Variants in GARRE1 observed in about 807,000 individuals in gnomAD.
GARRE1 encodes granule associated Rac and RHOG effector 1.
Under a neutral mutation model 103.2 loss-of-function variants are expected in GARRE1, and 49 were observed. The ratio of observed to expected loss-of-function variants is 0.47; its 90% CI spans 0.38 to 0.60. The LOEUF (loss-of-function observed/expected upper bound fraction) is 0.60, where lower values mean the gene tolerates loss of function less well. Ranked by LOEUF, GARRE1 falls within the 20% of genes least tolerant of loss-of-function variation. GARRE1 has a pLI of 0.00. For missense variants in GARRE1, 1,199 were observed against 1,370.5 expected (o/e 0.87, Z 1.98); for synonymous variants, 505 against 532.8 (o/e 0.95, Z 0.72).
intron 1 of GARRE1, among the ~76,000 whole-genome samples, chr19:34,294,692 A>C (rs1329444069): frequency 6.6e-6 from 1 of 151,938 alleles, no homozygotes; most frequent in African/African-American, 2.4e-5. Flanking sequence ...TTTTTTGTTG[A>C]AAACTGGACA....
intron 2 of GARRE1, among the ~76,000 whole-genome samples, chr19:34,315,866 A>T (rs1252438100): frequency 4.6e-5 from 7 of 152,184 alleles, no homozygotes. Context: ...TTAGCAGCAG[A>T]TGTTGTGTGT....
chr19:34,263,090 G>C (rs568297601), intron 1 of GARRE1, among the ~76,000 whole-genome samples: 4 of 152,218 alleles, frequency 2.6e-5, no homozygotes, highest in Admixed American at 1.3e-4. Flanking sequence ...GCGGGTGCCT[G>C]TAATCCCAGC....
In GARRE1 at chr19:34,339,927, G is replaced by C. The variant is rs746444067; in HGVS notation, c.1422G>C (p.Lys474Asn). ...TGCAGAGAAGCCTTGATCCTGAGAA[G>C]ACCCTGGGTCTAGTGGACGTGCTCT... The part of the protein sequence containing the change: ...SLLQRSLDPE[K>N]TLGLVDVLYT... The change falls in exon 9 of 14, where the codon AAG becomes AAC. Residue 474 changes from lysine to asparagine, a missense_variant. Transcript: ENST00000299505. 1 of 1,613,964 alleles carries C rather than the reference G, an allele frequency of 6.2e-7. No individual in the cohort carries two copies. The highest frequency in any genetic ancestry group is 8.5e-7 in the Non-Finnish European group (1 of 1,179,978).
At chr19:34,326,542 T>C (rs904937737) in intron 3 of GARRE1, among the ~76,000 whole-genome samples, 5 of 152,224 alleles carry the variant, frequency 3.3e-5, no homozygotes, top group Non-Finnish European at 1.5e-5. Context: ...TAAACATATG[T>C]AGTGACTGAA....
chr19:34,326,238 T>C (rs2074111210), intron 3 of GARRE1, among the ~76,000 whole-genome samples: 1 of 152,250 alleles, frequency 6.6e-6, no homozygotes, highest in Non-Finnish European at 1.5e-5. Flanking sequence ...TTTGGAACTT[T>C]ACGGCATTAT....
At chr19:34,293,004 C>T (rs765294220) in intron 1 of GARRE1, among the ~76,000 whole-genome samples, 3 of 152,160 alleles carry the variant, frequency 2.0e-5, no homozygotes, top group African/African-American at 4.8e-5. Context: ...CTACTGAATT[C>T]GGCCCATTTT....
intron 8 of GARRE1, among the ~76,000 whole-genome samples, chr19:34,338,655 C>T (rs1366478933): frequency 1.3e-5 from 2 of 152,156 alleles, no homozygotes; most frequent in African/African-American, 4.8e-5. Context: ...GCAAAGGCAG[C>T]AGCAAGAGCA....
chr19:34,269,545 A>G (rs1293692248), intron 1 of GARRE1, among the ~76,000 whole-genome samples: 1 of 151,890 alleles, frequency 6.6e-6, no homozygotes, highest in East Asian at 1.9e-4. Flanking sequence ...TTGTTTTTAA[A>G]ATTTATTTCT....
At chr19:34,338,061 G>A (rs567574191) in intron 8 of GARRE1, among the ~76,000 whole-genome samples, 3 of 152,274 alleles carry the variant, frequency 2.0e-5, no homozygotes, top group South Asian at 2.1e-4. Context: ...GAGCCTGGCC[G>A]GCTCTCATTT....
At chr19:34,263,265 G>GAGAGAGATAGAT (rs1555778750) in intron 1 of GARRE1, among the ~76,000 whole-genome samples, 6 of 149,612 alleles carry the variant, frequency 4.0e-5, no homozygotes, top group East Asian at 2.0e-4. Flanking sequence ...TCTCGATAGA[G>GAGAGAGATAGAT]AGATAGATAG....
chr19:34,351,401 C>A lies in GARRE1; in HGVS notation c.2826-113C>A, dbSNP rs185998205. ...TGCCATTGACCCAGGCAGGCCTCCTCCCCTCCTAGAACCAGGGCCTGGAGA... is the reference window on the plus strand; with the variant it reads ...TGCCATTGACCCAGGCAGGCCTCCTACCCTCCTAGAACCAGGGCCTGGAGA... On this transcript the variant is annotated intron_variant, in intron 12 of 13. Coordinates refer to ENST00000299505, the MANE Select transcript of GARRE1 (RefSeq NM_014686.5). 212 of 818,266 alleles carry A rather than the reference C, an allele frequency of 2.6e-4. No individual in the cohort carries two copies. The African/African-American group carries it at 3.0e-3, about 12-fold the overall frequency. The allele number at this position is 818,266 out of a possible 1,614,324, so 50.7% of individuals were successfully genotyped here.
In GARRE1 at chr19:34,300,131, A is replaced by G; in HGVS notation, c.-343A>G. ...TTAAACGTTAAGTTATTTTTCTGCC[A>G]TTGTAAATACAAGTATCAAAATATT... is the stretch of plus-strand genomic sequence containing the variant. On this transcript the variant is annotated 5_prime_UTR_variant, in exon 2 of 14. Transcript: ENST00000299505. 4.3e-6 allele frequency: 1 copy of G among 230,300 alleles called. No homozygotes were observed. Among genetic ancestry groups the G allele is most frequent in the Non-Finnish European group, 8.4e-6 (1 of 118,932 alleles). 14.3% of individuals were successfully genotyped at this position (230,300 alleles called of 1,614,324 possible).
chr19:34,296,378 C>G (rs1021813540), intron 1 of GARRE1: 4 of 1,436,474 alleles, frequency 2.8e-6, no homozygotes, highest in Middle Eastern at 4.8e-4. Flanking sequence ...TGGCCTTGGC[C>G]TTTAGCCGGC....
chr19:34,260,296 T>C (rs887419777), intron 1 of GARRE1, among the ~76,000 whole-genome samples: 1 of 152,218 alleles, frequency 6.6e-6, no homozygotes, highest in African/African-American at 2.4e-5. Flanking sequence ...TTTGTGACAA[T>C]GCGATTGCAT....
chr19:34,269,069 G>A (rs935878884), intron 1 of GARRE1, among the ~76,000 whole-genome samples: 1 of 152,064 alleles, frequency 6.6e-6, no homozygotes, highest in Non-Finnish European at 1.5e-5. Context: ...TTGACCTTGC[G>A]GTTAGAAAAG....
chr19:34,258,035 C>G (rs2073686366), intron 1 of GARRE1, among the ~76,000 whole-genome samples: 1 of 151,532 alleles, frequency 6.6e-6, no homozygotes, highest in Admixed American at 6.6e-5. Context: ...GATTACAGGT[C>G]TGCGCCACCA....
intron 2 of GARRE1, among the ~76,000 whole-genome samples, chr19:34,309,748 G>A (rs1002187840): frequency 7.9e-5 from 12 of 152,190 alleles, no homozygotes; most frequent in African/African-American, 2.9e-4. Flanking sequence ...ATTCAGGAAT[G>A]TATTAAAGAC....
intron 1 of GARRE1, among the ~76,000 whole-genome samples, chr19:34,292,158 G>A (rs909607438): frequency 5.3e-5 from 8 of 152,086 alleles, no homozygotes; most frequent in Admixed American, 1.3e-4. Context: ...CACCGCACCC[G>A]CCCAGATCTA....
intron 1 of GARRE1, among the ~76,000 whole-genome samples, chr19:34,275,741 A>G (rs2073813378): frequency 6.6e-6 from 1 of 152,222 alleles, no homozygotes; most frequent in South Asian, 2.1e-4. Flanking sequence ...ATATATACCT[A>G]GGAGTAAAAT....
Sources: gnomAD v4.1 joint callset for allele counts (sites outside exome capture counted in the v4.1 genomes callset) on GRCh38, gnomAD v4.1.1 for gene constraint, MANE v1.5 for transcripts, NCBI Gene and HGNC (gene_info 2026-07-23, HGNC 2026-07-21) for gene names.